CABIN1: variants seen among roughly 807,000 people sequenced by gnomAD.
The protein encoded by CABIN1 is calcineurin-binding protein cabin-1.
In CABIN1, 133 loss-of-function variants were observed where a neutral mutation model predicts 227.7. The observed-to-expected ratio is 0.58, with a 90% CI of 0.51 to 0.67. The LOEUF is 0.67. Among genes scored for constraint, CABIN1 ranks in the 30% least tolerant of loss-of-function variants. The pLI, the probability that CABIN1 is intolerant of heterozygous loss-of-function variation, is 0.00. For synonymous variants in CABIN1, 1,086 were observed against 1,155.1 expected (o/e 0.94, Z 1.21); for missense variants, 2,408 against 2,852.5 (o/e 0.84, Z 3.55).
chr22:24,058,046 G>C (rs2038931262), intron 10 of CABIN1, among the ~76,000 whole-genome samples: 1 of 152,056 alleles, frequency 6.6e-6, no homozygotes, highest in Non-Finnish European at 1.5e-5. Flanking sequence ...GTTTATTTTT[G>C]TTAGAGATGG....
At chr22:24,144,605 T>C (rs1410304189) in intron 29 of CABIN1, among the ~76,000 whole-genome samples, 7 of 152,276 alleles carry the variant, frequency 4.6e-5, no homozygotes, top group South Asian at 2.1e-4. Context: ...GCAGCTGGGC[T>C]GCACTGGCCC....
At chr22:24,134,625 C>G (rs2044279691) in intron 29 of CABIN1, among the ~76,000 whole-genome samples, 1 of 152,168 alleles carries the variant, frequency 6.6e-6, no homozygotes, top group African/African-American at 2.4e-5. Context: ...ACTGCCCCCT[C>G]CTGTGGGGAG....
At chr22:24,120,574 C>T (rs1178079468) in intron 28 of CABIN1, among the ~76,000 whole-genome samples, 1 of 152,176 alleles carries the variant, frequency 6.6e-6, no homozygotes, top group African/African-American at 2.4e-5. Flanking sequence ...GTAATCCCAG[C>T]ACTTTGGGAG....
At chr22:24,127,769 C>A (rs1383086387) in intron 28 of CABIN1, among the ~76,000 whole-genome samples, 1 of 152,078 alleles carries the variant, frequency 6.6e-6, no homozygotes, top group Non-Finnish European at 1.5e-5. Context: ...TGTTGTGAAT[C>A]AGGTGAGAAA....
intron 28 of CABIN1, among the ~76,000 whole-genome samples, chr22:24,132,138 C>T (rs184264840): frequency 6.6e-6 from 1 of 151,996 alleles, no homozygotes; most frequent in East Asian, 1.9e-4. Flanking sequence ...CCAGGATGGA[C>T]ACCTGCCTGG....
chr22:24,019,691 C>T (rs766996324), intron 1 of CABIN1, among the ~76,000 whole-genome samples: 1 of 128,516 alleles, frequency 7.8e-6, no homozygotes, highest in Non-Finnish European at 1.6e-5. Context: ...GAGTTTCGCC[C>T]TTGTTGCCCA....
chr22:24,044,451 G>A (rs188215063), intron 6 of CABIN1, among the ~76,000 whole-genome samples: 2 of 152,216 alleles, frequency 1.3e-5, no homozygotes, highest in African/African-American at 2.4e-5. Context: ...TAAGAAAATT[G>A]TTGGTCAGTC....
rs745476333 is a variant in CABIN1 at position 24,082,942 on chromosome 22, G to A, written c.2749-286G>A. 2.0e-5 allele frequency among the ~76,000 whole-genome samples: 3 copies of A among 152,206 alleles called. No individual in the cohort carries two copies. The South Asian group carries it at 6.2e-4, about 32-fold the overall frequency. The stretch of plus-strand genomic sequence containing the variant: ...CCCAGGAGGCAAATATCTTCTTCTG[G>A]TGGCTGGTAGAAATTGGCTAGGTGT... On this transcript the variant is annotated intron_variant, in intron 19 of 36. Coordinates refer to ENST00000263119, the MANE Select transcript of CABIN1 (RefSeq NM_012295.4).
rs145486395 is a variant in CABIN1 at position 24,038,331 on chromosome 22, C to T, written c.97-17C>T. On this transcript the variant is annotated splice_polypyrimidine_tract_variant and intron_variant, in intron 3 of 36. Transcript: ENST00000263119. ...ATCTTTATGCTGTATGAAAACATCTCTTGTCTTGATTTGCAGGAAGCAGAG... is the reference window on the plus strand; with the variant it reads ...ATCTTTATGCTGTATGAAAACATCTTTTGTCTTGATTTGCAGGAAGCAGAG... 2.2e-4 allele frequency: 357 copies of T among 1,594,112 alleles called. No homozygotes were observed. The Middle Eastern group carries it at 9.0e-3, about 40-fold the overall frequency.
chr22:24,085,189 G>A, intron 22 of CABIN1, 38 bp downstream of exon 22: 1 of 1,612,598 alleles, frequency 6.2e-7, no homozygotes, highest in Non-Finnish European at 8.5e-7. Context: ...TGGCTGCAGG[G>A]ATGACTGGGG....
intron 5 of CABIN1, among the ~76,000 whole-genome samples, chr22:24,042,303 C>G (rs1290576050): frequency 6.6e-6 from 1 of 152,148 alleles, no homozygotes; most frequent in Non-Finnish European, 1.5e-5. Flanking sequence ...GTAAGGAATA[C>G]AGATATTCAG....
At chr22:24,108,486 A>G (rs2042635622) in intron 26 of CABIN1, among the ~76,000 whole-genome samples, 1 of 152,170 alleles carries the variant, frequency 6.6e-6, no homozygotes, top group South Asian at 2.1e-4. Context: ...GCCTTTCACA[A>G]GCGTGAGAGA....
chr22:24,114,387 C>T (rs1388019835), intron 27 of CABIN1, among the ~76,000 whole-genome samples: 1 of 152,192 alleles, frequency 6.6e-6, no homozygotes, highest in Non-Finnish European at 1.5e-5. Flanking sequence ...AGCTTTCCCA[C>T]TCTGGCCAGG....
chr22:24,071,739 C>T (rs1405486310), intron 17 of CABIN1, among the ~76,000 whole-genome samples: 2 of 152,224 alleles, frequency 1.3e-5, no homozygotes, highest in Non-Finnish European at 1.5e-5. Context: ...TAAAACCCTT[C>T]ATGTTCCCTC....
chr22:24,119,760 G>T (rs2043292293), intron 28 of CABIN1, 62 bp downstream of exon 28: 2 of 1,469,190 alleles, frequency 1.4e-6, no homozygotes, highest in South Asian at 1.1e-5. Context: ...ATCTTTGAAG[G>T]TTGGTGGGCA....
chr22:24,067,711 G>T (rs1268439018), intron 16 of CABIN1, among the ~76,000 whole-genome samples: 1 of 152,188 alleles, frequency 6.6e-6, no homozygotes, highest in Non-Finnish European at 1.5e-5. Flanking sequence ...ACTGGCAGCT[G>T]CTGGGTGCTG....
Position 24,119,479 on chromosome 22 carries a change from A to G in CABIN1, c.4413A>G (p.Ser1471=), listed in dbSNP as rs778670659. Residue 1471 remains serine (S), a synonymous_variant, in exon 28 of 37, where the codon TCA becomes TCG. Transcript: ENST00000263119. The part of the protein sequence containing the change: ...PASACIPGKP[S]ASTPTLWDGK... ...CTGCTTGCATCCCTGGCAAGCCCTC[A>G]GCATCCACACCCACCCTGTGGGATG... 6.8e-6 allele frequency: 11 copies of G among 1,613,994 alleles called. No individual in the cohort carries two copies. Among genetic ancestry groups the G allele is most frequent in the Non-Finnish European group, 6.8e-6 (8 of 1,180,036 alleles).
At chr22:24,063,958 A>T (rs894082040) in intron 14 of CABIN1, 77 bp from the exon 15 acceptor site, 4 of 1,570,136 alleles carry the variant, frequency 2.5e-6, no homozygotes, top group Non-Finnish European at 3.5e-6. Flanking sequence ...GTCTAGTGAG[A>T]TAAGTGGTGT....
chr22:24,129,854 T>C (rs1447395750), intron 28 of CABIN1, among the ~76,000 whole-genome samples: 1 of 151,320 alleles, frequency 6.6e-6, no homozygotes. Context: ...CAAAGAGGGG[T>C]TGGAGGGTAT....
Sources: allele counts gnomAD v4.1 joint callset (sites outside exome capture counted in the v4.1 genomes callset), GRCh38; gene constraint gnomAD v4.1.1; transcripts MANE v1.5; gene names NCBI Gene and HGNC (gene_info 2026-07-23, HGNC 2026-07-21).